The following IL4I1 variants were observed in gnomAD, a reference collection of about 807,000 sequenced individuals.
The protein encoded by IL4I1 is L-amino-acid oxidase.
A neutral mutation model predicts 29.7 loss-of-function variants in IL4I1; 24 were observed. That is an observed-to-expected ratio of 0.81 (90% CI 0.59 to 1.14). IL4I1 has a LOEUF of 1.14. Among genes scored for constraint, IL4I1 ranks in the 50% most tolerant of loss-of-function variants. The probability of loss-of-function intolerance (pLI) is 0.00; values close to 1 mark genes in which losing one functional copy is unlikely to be tolerated. For missense variants in IL4I1, 686 were observed against 785.6 expected (o/e 0.87, Z 1.52); for synonymous variants, 371 against 352.5 (o/e 1.05, Z -0.59).
intron 2 of IL4I1, chr19:49,907,272 G>A (rs1222154279): frequency 1.0e-5 from 3 of 294,490 alleles, no homozygotes; most frequent in East Asian, 1.2e-4. Context: ...CCTGAGCTTC[G>A]GGTAGCTGGG....
intron 2 of IL4I1, among the ~76,000 whole-genome samples, chr19:49,926,651 G>A (rs2075898432): frequency 6.6e-6 from 1 of 152,162 alleles, no homozygotes; most frequent in Non-Finnish European, 1.5e-5. Context: ...CCTTACCACT[G>A]GCAGTCTGCC....
intron 2 of IL4I1, chr19:49,907,583 C>G (rs2075352453): frequency 5.0e-6 from 2 of 403,890 alleles, no homozygotes; most frequent in Non-Finnish European, 9.3e-6. Flanking sequence ...GTTGCCTAGG[C>G]TGGAGTGCAG....
rs753011457 is a variant in IL4I1, at chr19:49,895,938, C to T, written c.129G>A (p.Glu43=). 3 of 1,614,092 alleles carry T rather than the reference C, an allele frequency of 1.9e-6. No individual in the cohort carries two copies. In the African/African-American group the frequency reaches 4.0e-5, roughly 22 times the overall value. Residue 43 remains glutamate, a synonymous_variant, in exon 3 of 8, where the codon GAG becomes GAA. Coordinates refer to ENST00000391826, the MANE Select transcript of IL4I1 (RefSeq NM_152899.2). ...FEKCMQDPDY[E]QLLKVVTWGL... is the part of the protein sequence containing the mutation. The stretch of plus-strand genomic sequence containing the variant: ...CCCAGGTCACCACCTTGAGCAGCTG[C>T]TCATAGTCAGGATCCTGCATGCATT...
chr19:49,891,291 A>G lies in IL4I1; in HGVS notation c.636+114T>C, dbSNP rs2075135270. 7 of 1,417,264 alleles carry G rather than the reference A, an allele frequency of 4.9e-6. No homozygotes were observed. In the Admixed American group the frequency reaches 5.2e-5, roughly 10 times the overall value. 87.8% of individuals were successfully genotyped at this position (1,417,264 alleles called of 1,614,324 possible). A position where few individuals can be genotyped will look rare whatever the true frequency, so the allele number is the denominator to read the frequency against. On this transcript the variant is annotated intron_variant, in intron 6 of 7. Coordinates refer to ENST00000391826, the MANE Select transcript of IL4I1 (RefSeq NM_152899.2). Reference sequence around the variant, plus strand: ...GGCGTGTCCAGCCCCCGGGTCAGGCAGGAAGGCGGTGGCAGGACTAGGGTG... The same window carrying G: ...GGCGTGTCCAGCCCCCGGGTCAGGCGGGAAGGCGGTGGCAGGACTAGGGTG...
chr19:49,918,237 C>T (rs1033563963), intron 2 of IL4I1, among the ~76,000 whole-genome samples: 2 of 152,012 alleles, frequency 1.3e-5, no homozygotes, highest in African/African-American at 2.4e-5. Flanking sequence ...AGCTAATATT[C>T]GATTTTTTGT....
chr19:49,915,573 T>G (rs557964417), intron 2 of IL4I1, among the ~76,000 whole-genome samples: 1 of 152,334 alleles, frequency 6.6e-6, no homozygotes, highest in Non-Finnish European at 1.5e-5. Context: ...TGTGATGACT[T>G]GTTACAGCAG....
chr19:49,892,527 T>C (rs938388417), intron 5 of IL4I1, among the ~76,000 whole-genome samples: 2 of 152,234 alleles, frequency 1.3e-5, no homozygotes, highest in Non-Finnish European at 2.9e-5. Flanking sequence ...CCAGACCACC[T>C]GCCCTCAGGG....
intron 2 of IL4I1, among the ~76,000 whole-genome samples, chr19:49,925,350 G>A (rs543959690): frequency 1.3e-5 from 2 of 151,944 alleles, no homozygotes; most frequent in African/African-American, 4.8e-5. Flanking sequence ...CACTTTGGGA[G>A]GGTGAGGCAG....
chr19:49,909,716 C>T (rs763217245), intron 2 of IL4I1: 31 of 1,613,970 alleles, frequency 1.9e-5, no homozygotes, highest in Non-Finnish European at 9.3e-6. Context: ...GAAAGAAAAC[C>T]CTGTAGCAGG....
intron 2 of IL4I1, among the ~76,000 whole-genome samples, chr19:49,914,868 T>A (rs1436474514): frequency 1.3e-5 from 2 of 149,552 alleles, no homozygotes; most frequent in Non-Finnish European, 3.0e-5. Flanking sequence ...GCCTCCCGAG[T>A]AGCTGGGATT....
chr19:49,918,904 G>A (rs1333494504), intron 2 of IL4I1, among the ~76,000 whole-genome samples: 1 of 148,542 alleles, frequency 6.7e-6, no homozygotes. Flanking sequence ...CTGGGGGGGG[G>A]GGGGCGGGGT....
intron 2 of IL4I1, among the ~76,000 whole-genome samples, chr19:49,906,504 G>T (rs912318367): frequency 6.6e-6 from 1 of 152,042 alleles, no homozygotes; most frequent in Non-Finnish European, 1.5e-5. Context: ...GAGCCACCTC[G>T]CCCAGCCATA....
chr19:49,902,359 C>CTTTTTTT (rs1207280960), intron 3 of IL4I1, among the ~76,000 whole-genome samples: 1 of 118,634 alleles, frequency 8.4e-6, no homozygotes. Flanking sequence ...GCAGCCATTT[C>CTTTTTTT]TTTTTTTTTT....
chr19:49,890,730 CG>C, intron 7 of IL4I1, 130 bp from the exon 8 acceptor site: 1 of 915,094 alleles, frequency 1.1e-6, no homozygotes, highest in South Asian at 1.8e-5. Context: ...CCACCTCTCC[CG>C]ACCCCGCCCG....
In IL4I1 at chr19:49,922,953, T is replaced by A. The variant is rs1286713429; in HGVS notation, c.-228+4741A>T. Among the ~76,000 whole-genome samples the A allele has an allele frequency of 2.6e-5, 4 of 152,274 alleles. No individual in the cohort carries two copies. In the East Asian group the frequency reaches 7.7e-4, roughly 29 times the overall value. ...AAGGTAGTTCTATGATTGTGCCCAT[T>A]TTACTGATGAGGTGACCACAGGTCG... On this transcript the variant is annotated intron_variant, in intron 2 of 9. Coordinates refer to the IL4I1 transcript ENST00000341114.
At position 49,895,105 on chromosome 19, in the gene IL4I1, C is replaced by T. The variant is rs753520805; in HGVS notation, c.328G>A (p.Gly110Arg). The T allele has an allele frequency of 3.1e-6, 5 of 1,613,812 alleles. No individual in the cohort carries two copies. In the South Asian group the frequency reaches 5.5e-5, roughly 18 times the overall value. Residue 110 changes from glycine (G) to arginine (R), a missense_variant, in exon 4 of 8, where the codon GGG becomes AGG. Transcript: ENST00000391826. ...TYRDQNTGWI[G>R]ELGAMRMPSS... ...GGCATGCGCATGGCTCCCAGCTCCC[C>T]AATCCAGCCCGTGTTCTGGTCCCGG...
intron 5 of IL4I1, 140 bp from the exon 6 acceptor site, chr19:49,891,613 C>G: frequency 1.4e-6 from 1 of 700,222 alleles, no homozygotes; most frequent in Admixed American, 2.3e-5. Flanking sequence ...TGGGCTTTTG[C>G]CCACACCATG....
intron 2 of IL4I1, chr19:49,904,377 G>T (rs565751680): frequency 6.6e-6 from 1 of 152,118 alleles, no homozygotes. Flanking sequence ...GCACCCAGTC[G>T]GTTGCTGATG....
chr19:49,925,229 C>T (rs1431138389), intron 2 of IL4I1, among the ~76,000 whole-genome samples: 1 of 152,032 alleles, frequency 6.6e-6, no homozygotes, highest in Non-Finnish European at 1.5e-5. Context: ...CCATTGCACT[C>T]CAGCCTGGGC....
Sources: gnomAD v4.1 joint callset for allele counts (sites outside exome capture counted in the v4.1 genomes callset) on GRCh38, gnomAD v4.1.1 for gene constraint, MANE v1.5 for transcripts, NCBI Gene and HGNC (gene_info 2026-07-23, HGNC 2026-07-21) for gene names.